The following OSBP2 variants were observed in gnomAD, a reference collection of about 807,000 sequenced individuals.
The protein encoded by OSBP2 is oxysterol-binding protein 2.
In OSBP2, 66 loss-of-function variants were observed where a neutral mutation model predicts 96.0. That is an observed-to-expected ratio of 0.69 (90% CI 0.56 to 0.84). OSBP2 has a LOEUF of 0.84. OSBP2 is among the 40% of genes least tolerant of loss of function. The pLI, the probability that OSBP2 is intolerant of heterozygous loss-of-function variation, is 0.00. For missense variants in OSBP2, 1,038 were observed against 1,222.7 expected (o/e 0.85, Z 2.25); for synonymous variants, 525 against 520.9 (o/e 1.01, Z -0.11).
At chr22:30,826,587 C>T (rs1018568080) in intron 2 of OSBP2, among the ~76,000 whole-genome samples, 11 of 152,192 alleles carry the variant, frequency 7.2e-5, no homozygotes, top group Non-Finnish European at 1.2e-4. Context: ...TTGTTTGATG[C>T]AAGTCTCACC....
At chr22:30,713,829 C>G (rs2089399774) in intron 1 of OSBP2, among the ~76,000 whole-genome samples, 3 of 152,114 alleles carry the variant, frequency 2.0e-5, no homozygotes, top group Admixed American at 2.0e-4. Flanking sequence ...TATTTTGGCT[C>G]ATGTATACCA....
intron 2 of OSBP2, among the ~76,000 whole-genome samples, chr22:30,811,417 C>T (rs1487404021): frequency 6.6e-6 from 1 of 151,414 alleles, no homozygotes; most frequent in Non-Finnish European, 1.5e-5. Flanking sequence ...GCGATCTCAG[C>T]TCACCACAAC....
intron 2 of OSBP2, among the ~76,000 whole-genome samples, chr22:30,844,002 G>A (rs1289310594): frequency 6.6e-6 from 1 of 151,924 alleles, no homozygotes; most frequent in Non-Finnish European, 1.5e-5. Context: ...AACCTCCCGA[G>A]TAGCTGGGAC....
Position 30,750,518 on chromosome 22 carries a change from C to T in OSBP2, c.853+9149C>T, listed in dbSNP as rs371415431. On this transcript the variant is annotated intron_variant, in intron 2 of 13. Coordinates refer to ENST00000332585, the MANE Select transcript of OSBP2 (RefSeq NM_030758.4). ...AGGCCAGGGCACTCTAAAATTTAAC[C>T]TGAAAGACTGGTTCAGGCAATGATG... 1.8e-4 allele frequency among the ~76,000 whole-genome samples: 27 copies of T among 152,286 alleles called. No homozygotes were observed. The East Asian group carries it at 2.1e-3, about 12-fold the overall frequency.
chr22:30,805,935 G>A (rs2090922759), intron 2 of OSBP2, among the ~76,000 whole-genome samples: 1 of 152,192 alleles, frequency 6.6e-6, no homozygotes, highest in Non-Finnish European at 1.5e-5. Flanking sequence ...TTTGTTACAT[G>A]GAGAGGCTTC....
At chr22:30,860,849 C>A (rs2039196242) in intron 2 of OSBP2, among the ~76,000 whole-genome samples, 1 of 152,172 alleles carries the variant, frequency 6.6e-6, no homozygotes, top group Non-Finnish European at 1.5e-5. Context: ...AGAATTGGAG[C>A]AGGCACCACT....
chr22:30,825,314 C>T (rs1280438825), intron 2 of OSBP2, among the ~76,000 whole-genome samples: 1 of 152,150 alleles, frequency 6.6e-6, no homozygotes, highest in Non-Finnish European at 1.5e-5. Context: ...ATGGTGAAAC[C>T]CCATCCTTAC....
At chr22:30,874,074 TA>T (rs2147117347) in intron 3 of OSBP2, among the ~76,000 whole-genome samples, 1 of 152,232 alleles carries the variant, frequency 6.6e-6, no homozygotes, top group Non-Finnish European at 1.5e-5. Flanking sequence ...CTGTCTCTAC[TA>T]AAAATACAAA....
At chr22:30,694,332 G>A (rs1224855251), upstream of OSBP2, 3 of 1,546,384 alleles carry the variant, frequency 1.9e-6, no homozygotes, top group Non-Finnish European at 2.6e-6. Flanking sequence ...CCGCAGGAGC[G>A]ACCCACAGAC....
At chr22:30,708,570 C>A (rs1265111714) in intron 1 of OSBP2, among the ~76,000 whole-genome samples, 1 of 127,782 alleles carries the variant, frequency 7.8e-6, no homozygotes, top group South Asian at 2.7e-4. Context: ...CTCACTGTAA[C>A]CTCTGCCTCC....
intron 2 of OSBP2, among the ~76,000 whole-genome samples, chr22:30,836,771 C>A (rs577872021): frequency 6.6e-6 from 1 of 152,154 alleles, no homozygotes; most frequent in Admixed American, 6.5e-5. Context: ...GGAGAGACTC[C>A]AGAAGCCCCA....
At chr22:30,717,090 T>TTGTGTGTGTGTGTGTG (rs35377469) in intron 1 of OSBP2, among the ~76,000 whole-genome samples, 2 of 118,414 alleles carry the variant, frequency 1.7e-5, no homozygotes, top group East Asian at 2.3e-4. Flanking sequence ...TTTACTGTTT[T>TTGTGTGTGTGTGTGTG]TGTGTGTGTG....
At chr22:30,713,058 G>A (rs118179468) in intron 1 of OSBP2, among the ~76,000 whole-genome samples, 2,273 of 149,254 alleles carry the variant, frequency 0.015, 30 homozygotes, top group Middle Eastern at 0.046. Context: ...GACTACAGGC[G>A]TGCATCACCA....
intron 2 of OSBP2, among the ~76,000 whole-genome samples, chr22:30,773,542 C>A (rs2090385095): frequency 6.6e-6 from 1 of 152,130 alleles, no homozygotes; most frequent in Non-Finnish European, 1.5e-5. Context: ...AACTGGCTTG[C>A]CACTGAATGC....
At chr22:30,810,218 G>A (rs2145855790) in intron 2 of OSBP2, among the ~76,000 whole-genome samples, 1 of 152,284 alleles carries the variant, frequency 6.6e-6, no homozygotes, top group African/African-American at 2.4e-5. Context: ...GAGGAGGTTA[G>A]AAGACAGTGG....
Position 30,695,143 on chromosome 22 carries a change from AAGATCGG to A in OSBP2, c.236_242del (p.Arg79AsnfsTer34). On this transcript the variant is annotated frameshift_variant, in exon 1 of 14. Coordinates refer to ENST00000332585, the MANE Select transcript of OSBP2 (RefSeq NM_030758.4). LOFTEE classifies it high-confidence loss of function. ...CGGAGGCAGTTTCGGAGGCAGTGCCAAGATCGGAACCTGTGTCCGAGACGACGTCTGA... is the reference window on the plus strand; with the variant it reads ...CGGAGGCAGTTTCGGAGGCAGTGCCAAACCTGTGTCCGAGACGACGTCTGA... The A allele has an allele frequency of 6.2e-7, 1 of 1,606,044 alleles. No individual in the cohort carries two copies. Among genetic ancestry groups the A allele is most frequent in the Non-Finnish European group, 8.5e-7 (1 of 1,175,324 alleles).
intron 2 of OSBP2, among the ~76,000 whole-genome samples, chr22:30,849,387 T>C (rs1239435958): frequency 6.6e-6 from 1 of 152,248 alleles, no homozygotes; most frequent in Non-Finnish European, 1.5e-5. Flanking sequence ...AATTCAGTTG[T>C]CCCGCATCCT....
chr22:30,698,983 C>A (rs974976254), intron 1 of OSBP2, among the ~76,000 whole-genome samples: 1 of 151,714 alleles, frequency 6.6e-6, no homozygotes, highest in African/African-American at 2.4e-5. Flanking sequence ...ATTCTGTTGC[C>A]CAGGCTGGAG....
chr22:30,900,061 C>G (rs544768586), intron 12 of OSBP2, among the ~76,000 whole-genome samples: 3 of 152,098 alleles, frequency 2.0e-5, no homozygotes, highest in Non-Finnish European at 4.4e-5. Context: ...GAGTTTGAGA[C>G]CAGCCTGACC....
Sources: gnomAD v4.1 joint callset for allele counts (sites outside exome capture counted in the v4.1 genomes callset) on GRCh38, gnomAD v4.1.1 for gene constraint, MANE v1.5 for transcripts, NCBI Gene and HGNC (gene_info 2026-07-23, HGNC 2026-07-21) for gene names.